The following ZMYND11 variants were observed in gnomAD, a reference collection of about 807,000 sequenced individuals.
ZMYND11 encodes the protein zinc finger MYND-type containing 11, also known as zinc finger MYND domain-containing protein 11.
ZMYND11 carries 9 observed loss-of-function variants against 84.9 expected under a neutral mutation model. The ratio of observed to expected loss-of-function variants is 0.11; its 90% CI spans 0.06 to 0.18. The LOEUF (loss-of-function observed/expected upper bound fraction) is 0.18. ZMYND11 is among the 10% of genes least tolerant of loss of function. The probability of loss-of-function intolerance (pLI) is 1.00; values close to 1 mark genes in which losing one functional copy is unlikely to be tolerated. For missense variants in ZMYND11, 409 were observed against 761.0 expected (o/e 0.54, Z 5.44); for synonymous variants, 250 against 244.1 (o/e 1.02, Z -0.23).
At chr10:195,975 A>G (rs1193978124) in intron 2 of ZMYND11, among the ~76,000 whole-genome samples, 3 of 152,254 alleles carry the variant, frequency 2.0e-5, no homozygotes, top group Admixed American at 1.3e-4. Flanking sequence ...ACAGCGGGTC[A>G]TATAACTGAG....
Position 239,539 on chromosome 10 carries a change from G to GTTT in ZMYND11, c.697+20_697+22dup. ...TTTTCTATGGAGGTTGAATATTTTT[G>GTTT]TTTTTTTTGTATGCATTTTTAAACA... On this transcript the variant is annotated intron_variant, in intron 7 of 14. Coordinates refer to ENST00000381604, the MANE Select transcript of ZMYND11 (RefSeq NM_001370100.5). 1.4e-6 allele frequency: 2 copies of GTTT among 1,472,782 alleles called. No individual in the cohort carries two copies. Among genetic ancestry groups the GTTT allele is most frequent in the Non-Finnish European group, 9.3e-7 (1 of 1,077,146 alleles). The allele number at this position is 1,472,782 out of a possible 1,614,324, so 91.2% of individuals were successfully genotyped here. A position where few individuals can be genotyped will look rare whatever the true frequency, so the allele number is the denominator to read the frequency against.
intron 1 of ZMYND11, among the ~76,000 whole-genome samples, chr10:136,983 T>C (rs1176416673): frequency 6.6e-6 from 1 of 152,138 alleles, no homozygotes; most frequent in Non-Finnish European, 1.5e-5. Flanking sequence ...GTGTTATCTA[T>C]GTTTTGTATA....
rs533159684 is a variant in ZMYND11 at position 196,919 on chromosome 10, C to T, written c.117-12970C>T. 4.6e-5 allele frequency among the ~76,000 whole-genome samples: 7 copies of T among 152,182 alleles called. No homozygotes were observed. In the East Asian group the frequency reaches 1.4e-3, roughly 29 times the overall value. Reference sequence around the variant, plus strand: ...AGTCCAGGAAGCACAGTCCCCCTTTCATCATGAAGAAAGAATGGAAGGTGG... The same window carrying T: ...AGTCCAGGAAGCACAGTCCCCCTTTTATCATGAAGAAAGAATGGAAGGTGG... On this transcript the variant is annotated intron_variant, in intron 2 of 14. Coordinates refer to ENST00000381604, the MANE Select transcript of ZMYND11 (RefSeq NM_001370100.5).
chr10:231,962 G>A (rs1008109946), intron 4 of ZMYND11, among the ~76,000 whole-genome samples: 2 of 152,142 alleles, frequency 1.3e-5, no homozygotes, highest in Non-Finnish European at 2.9e-5. Flanking sequence ...CAGGTGATAC[G>A]AACTCTGGAT....
chr10:136,298 G>T (rs377402919), intron 1 of ZMYND11, among the ~76,000 whole-genome samples: 28 of 152,216 alleles, frequency 1.8e-4, no homozygotes, highest in East Asian at 1.2e-3. Flanking sequence ...TTTCTCCCGA[G>T]CCGGGAGGAG....
chr10:239,000 G>GCC (rs1950449393), intron 6 of ZMYND11, among the ~76,000 whole-genome samples: 1 of 152,126 alleles, frequency 6.6e-6, no homozygotes, highest in Non-Finnish European at 1.5e-5. Flanking sequence ...ATATATCTTA[G>GCC]TAGTTATGGT....
intron 14 of ZMYND11, 169 bp downstream of exon 14, chr10:249,257 C>T (rs1952827532): frequency 2.8e-6 from 4 of 1,448,082 alleles, no homozygotes; most frequent in East Asian, 5.0e-5. Flanking sequence ...CCTATGATCT[C>T]TCAACCCCAG....
In ZMYND11 at chr10:187,633, C is replaced by CA. The variant is rs55992888; in HGVS notation, c.116+7521dup. Among the ~76,000 whole-genome samples, 243 of 136,196 alleles carry CA rather than the reference C, an allele frequency of 1.8e-3. 1 individual carries two copies. Among genetic ancestry groups the CA allele is most frequent in the African/African-American group, 6.3e-3 (233 of 37,026 alleles). The allele number at this position is 136,196 out of a possible 152,430, so 89.3% of individuals were successfully genotyped here. On this transcript the variant is annotated intron_variant, in intron 2 of 14. Coordinates refer to ENST00000381604, the MANE Select transcript of ZMYND11 (RefSeq NM_001370100.5). The stretch of plus-strand genomic sequence containing the variant: ...TGGGCTAAACAGCGGGACTCCGTCT[C>CA]AAAAAAAAAAAAAAAACCATACCCA...
intron 1 of ZMYND11, among the ~76,000 whole-genome samples, chr10:161,071 C>T (rs188804104): frequency 6.6e-6 from 1 of 151,348 alleles, no homozygotes; most frequent in African/African-American, 2.4e-5. Context: ...AAGTGATCCT[C>T]CTGCCTCGGC....
chr10:181,953 TAAA>T (rs1356119913), intron 2 of ZMYND11, among the ~76,000 whole-genome samples: 1 of 152,218 alleles, frequency 6.6e-6, no homozygotes, highest in Non-Finnish European at 1.5e-5. Context: ...TTGAGATTTT[TAAA>T]AAACCATCCT....
intron 1 of ZMYND11, among the ~76,000 whole-genome samples, chr10:174,855 T>A (rs1242249782): frequency 6.7e-6 from 1 of 148,966 alleles, no homozygotes; most frequent in Non-Finnish European, 1.5e-5. Flanking sequence ...TCAGAACCCA[T>A]GGGCACTACA....
At chr10:185,698 C>G (rs1053531761) in intron 2 of ZMYND11, among the ~76,000 whole-genome samples, 1 of 150,986 alleles carries the variant, frequency 6.6e-6, no homozygotes, top group Admixed American at 6.6e-5. Context: ...ACCTGTGCTC[C>G]CAGCTACTGG....
chr10:197,759 AAGT>A, intron 2 of ZMYND11, among the ~76,000 whole-genome samples: 2 of 152,330 alleles, frequency 1.3e-5, no homozygotes, highest in Admixed American at 1.3e-4. Context: ...ATGTCTTGAG[AAGT>A]CATGGTTGAG....
At chr10:204,443 G>C (rs965267067) in intron 2 of ZMYND11, among the ~76,000 whole-genome samples, 1 of 152,072 alleles carries the variant, frequency 6.6e-6, no homozygotes, top group African/African-American at 2.4e-5. Context: ...TTCTGTATAT[G>C]AATGCTGTTA....
At chr10:251,199 A>T (rs943567837) in intron 14 of ZMYND11, among the ~76,000 whole-genome samples, 6 of 152,194 alleles carry the variant, frequency 3.9e-5, no homozygotes, top group African/African-American at 1.4e-4. Context: ...TGAAAACGAA[A>T]TAATAGGGTA....
At chr10:216,075 C>T (rs981208182) in intron 3 of ZMYND11, among the ~76,000 whole-genome samples, 1 of 152,112 alleles carries the variant, frequency 6.6e-6, no homozygotes, top group African/African-American at 2.4e-5. Context: ...TCAAAATGCC[C>T]AGTCTAAAAA....
At chr10:143,909 C>T (rs547572073) in intron 1 of ZMYND11, among the ~76,000 whole-genome samples, 2 of 151,188 alleles carry the variant, frequency 1.3e-5, no homozygotes, top group Admixed American at 6.6e-5. Flanking sequence ...GAGGCCGAGG[C>T]GGGCAGATCA....
intron 1 of ZMYND11, among the ~76,000 whole-genome samples, chr10:142,219 G>GC (rs1837654252): frequency 1.3e-5 from 2 of 152,090 alleles, no homozygotes; most frequent in Non-Finnish European, 2.9e-5. Context: ...TCACACCTCA[G>GC]CCTCCCCAGG....
At chr10:214,136 A>C (rs1170910614) in intron 3 of ZMYND11, among the ~76,000 whole-genome samples, 1 of 152,164 alleles carries the variant, frequency 6.6e-6, no homozygotes, top group Admixed American at 6.5e-5. Flanking sequence ...ATGATCACAT[A>C]AGTGATCATT....
Sources: gnomAD v4.1 joint callset for allele counts (sites outside exome capture counted in the v4.1 genomes callset) on GRCh38, gnomAD v4.1.1 for gene constraint, MANE v1.5 for transcripts, NCBI Gene and HGNC (gene_info 2026-07-23, HGNC 2026-07-21) for gene names.